Variants in FKBP1B observed in about 807,000 individuals in gnomAD.
The protein encoded by FKBP1B is FKBP prolyl isomerase 1B.
FKBP1B carries 4 observed loss-of-function variants against 13.5 expected under a neutral mutation model. The observed-to-expected ratio is 0.30, with a 90% CI of 0.15 to 0.68. The LOEUF (loss-of-function observed/expected upper bound fraction) is 0.68. Ranked by LOEUF, FKBP1B falls within the 30% of genes least tolerant of loss-of-function variation. The pLI is 0.76. For synonymous variants in FKBP1B, 54 were observed against 53.6 expected, an observed-to-expected ratio of 1.01 and a Z score of -0.03; for missense variants, 93 against 136.2, an observed-to-expected ratio of 0.68 and a Z score of 1.58.
At chr2:24,042,698 A>G in the FKBP1B span, among the ~76,000 whole-genome samples, 7 of 149,170 alleles carry the variant, frequency 4.7e-5, no homozygotes, top group Non-Finnish European at 7.4e-5. Context: ...AACAAGAGTG[A>G]AACTCTGTCT....
At chr2:24,053,200 C>T (rs765657540) in intron 1 of FKBP1B, among the ~76,000 whole-genome samples, 5 of 151,986 alleles carry the variant, frequency 3.3e-5, no homozygotes, top group Non-Finnish European at 7.4e-5. Flanking sequence ...CAGCCTTGAC[C>T]TCCTGGGCTC....
the FKBP1B span, chr2:24,037,991 G>T: frequency 1.9e-6 from 3 of 1,614,184 alleles, no homozygotes; most frequent in Admixed American, 1.7e-5. Context: ...CTAGACAGAG[G>T]ACTCTGGATT....
At chr2:24,043,511 C>CA in the FKBP1B span, among the ~76,000 whole-genome samples, 4 of 152,058 alleles carry the variant, frequency 2.6e-5, no homozygotes, top group Admixed American at 6.6e-5. Context: ...CAAAACAAAA[C>CA]AAAAAACCCC....
At chr2:24,040,108 T>G in the FKBP1B span, among the ~76,000 whole-genome samples, 2 of 152,088 alleles carry the variant, frequency 1.3e-5, no homozygotes, top group African/African-American at 2.4e-5. Flanking sequence ...GCCAGAGTTA[T>G]TAATTTTCTT....
At chr2:24,040,286 CA>C in the FKBP1B span, among the ~76,000 whole-genome samples, 1 of 152,114 alleles carries the variant, frequency 6.6e-6, no homozygotes, top group African/African-American at 2.4e-5. Context: ...ACAAATGTAG[CA>C]AAATGTTAAT....
chr2:24,036,153 T>G, the FKBP1B span, among the ~76,000 whole-genome samples: 20 of 150,384 alleles, frequency 1.3e-4, no homozygotes, highest in Admixed American at 1.3e-3. Context: ...AAAAAAAAAT[T>G]AAAACTCTAC....
chr2:24,038,103 A>C, the FKBP1B span: 1 of 1,614,212 alleles, frequency 6.2e-7, no homozygotes, highest in Non-Finnish European at 8.5e-7. Context: ...AAAGACTTTC[A>C]ATTAACTTTT....
At position 24,049,831 on chromosome 2, in the gene FKBP1B, CG is replaced by C; in HGVS notation, c.-15del. The C allele has an allele frequency of 7.2e-7, 1 of 1,383,726 alleles. No homozygotes were observed. Among genetic ancestry groups the C allele is most frequent in the Non-Finnish European group, 9.4e-7 (1 of 1,066,080 alleles). 85.7% of individuals were successfully genotyped at this position (1,383,726 alleles called of 1,614,324 possible). ...GGCAGCAGCAGGGACCCCCCAGAGG[CG>C]GGGCCTGTGGGACCGCTATGGGCGT... On this transcript the variant is annotated 5_prime_UTR_variant, in exon 1 of 4. Transcript: ENST00000380986.
chr2:24,054,006 C>T, intron 2 of FKBP1B, 57 bp downstream of exon 2: 1 of 1,532,948 alleles, frequency 6.5e-7, no homozygotes, highest in Non-Finnish European at 9.0e-7. Context: ...GCAGGGCTGT[C>T]CTCTGAGCTT....
chr2:24,037,582 T>TAG, the FKBP1B span: 3 of 1,326,098 alleles, frequency 2.3e-6, no homozygotes, highest in Admixed American at 2.3e-5. Flanking sequence ...GAAGCTCAGT[T>TAG]AGAGCACCAT....
chr2:24,035,244 T>C, the FKBP1B span, among the ~76,000 whole-genome samples: 6 of 151,806 alleles, frequency 4.0e-5, no homozygotes, highest in African/African-American at 1.4e-4. Flanking sequence ...AAAAGAGCTC[T>C]GTGTGCTGAT....
chr2:24,053,075 G>A (rs1663952758), intron 1 of FKBP1B, among the ~76,000 whole-genome samples: 1 of 152,030 alleles, frequency 6.6e-6, no homozygotes. Context: ...CACACCATAG[G>A]TACTCAGTAA....
intron 2 of FKBP1B, among the ~76,000 whole-genome samples, chr2:24,056,757 C>A (rs1004832513): frequency 6.6e-6 from 1 of 152,008 alleles, no homozygotes; most frequent in African/African-American, 2.4e-5. Flanking sequence ...ATGGCGCAAT[C>A]TTCACTCCCT....
the FKBP1B span, among the ~76,000 whole-genome samples, chr2:24,034,181 A>G: frequency 0.83 from 125,603 of 152,184 alleles, 52,447 homozygotes; most frequent in East Asian, 0.96. Context: ...AGAACTTTGG[A>G]AGGCCAAGGC....
In FKBP1B at chr2:24,063,479, T is replaced by TCATGATA; in HGVS notation, c.*288_*289insATGATAC. 3.0e-6 allele frequency: 1 copy of TCATGATA among 328,404 alleles called. No homozygotes were observed. 20.3% of individuals were successfully genotyped at this position (328,404 alleles called of 1,614,324 possible). A position where few individuals can be genotyped will look rare whatever the true frequency, so the allele number is the denominator to read the frequency against. ...TGATGACAGAACACAGATCTCTTGT[T>TCATGATA]CGCACAATCTACACTGCCTTACCTT... is the stretch of plus-strand genomic sequence containing the variant. On this transcript the variant is annotated 3_prime_UTR_variant, in exon 4 of 4. Coordinates refer to ENST00000380986, the MANE Select transcript of FKBP1B (RefSeq NM_004116.5).
the FKBP1B span, among the ~76,000 whole-genome samples, chr2:24,036,232 G>T: frequency 6.6e-6 from 1 of 151,996 alleles, no homozygotes; most frequent in African/African-American, 2.4e-5. Flanking sequence ...GGGGCCACAT[G>T]CAGTGGCACA....
the FKBP1B span, among the ~76,000 whole-genome samples, chr2:24,039,724 C>T: frequency 6.6e-6 from 1 of 152,088 alleles, no homozygotes; most frequent in Non-Finnish European, 1.5e-5. Context: ...AATCTTCTAC[C>T]TAATGAAGAT....
chr2:24,038,485 G>A, the FKBP1B span: 1 of 1,614,198 alleles, frequency 6.2e-7, no homozygotes, highest in Non-Finnish European at 8.5e-7. Flanking sequence ...CAGAATGCCT[G>A]GAATAGTGAC....
At chr2:24,054,585 G>A (rs1346899789) in intron 2 of FKBP1B, 3 of 169,788 alleles carry the variant, frequency 1.8e-5, no homozygotes, top group East Asian at 1.9e-4. Context: ...TGGCAAACTC[G>A]ATGACAGCCA....
Sources: gnomAD v4.1 joint callset for allele counts (sites outside exome capture counted in the v4.1 genomes callset) on GRCh38, gnomAD v4.1.1 for gene constraint, MANE v1.5 for transcripts, NCBI Gene and HGNC (gene_info 2026-07-23, HGNC 2026-07-21) for gene names.